The following MASP1 variants were observed in gnomAD, a reference collection of about 807,000 sequenced individuals.
MASP1 encodes the protein mannan-binding lectin serine protease 1.
A neutral mutation model predicts 77.1 loss-of-function variants in MASP1; 59 were observed. That is an observed-to-expected ratio of 0.77 (90% CI 0.62 to 0.95). MASP1 has a LOEUF of 0.95. Ranked by LOEUF, MASP1 falls within the 40% of genes least tolerant of loss-of-function variation. MASP1 has a pLI of 0.00. For synonymous variants in MASP1, 362 were observed against 354.5 expected, an observed-to-expected ratio of 1.02 and a Z score of -0.24; for missense variants, 885 against 912.9, an observed-to-expected ratio of 0.97 and a Z score of 0.39.
intron 13 of MASP1, among the ~76,000 whole-genome samples, chr3:187,224,853 A>T (rs1040257317): frequency 6.6e-6 from 1 of 152,194 alleles, no homozygotes; most frequent in Non-Finnish European, 1.5e-5. Context: ...AGTAGTGGCC[A>T]TTGTTTCCAG....
intron 3 of MASP1, among the ~76,000 whole-genome samples, chr3:187,261,339 T>C (rs567239789): frequency 6.6e-5 from 10 of 152,236 alleles, no homozygotes; most frequent in Non-Finnish European, 1.3e-4. Flanking sequence ...ACAGAGCTTG[T>C]GCTCTTAACT....
downstream of MASP1, among the ~76,000 whole-genome samples, chr3:187,230,798 C>G (rs541250882): frequency 7.2e-5 from 11 of 152,222 alleles, no homozygotes; most frequent in Non-Finnish European, 8.8e-5. Flanking sequence ...AAAAGGTATT[C>G]CATGAGTTAG....
chr3:187,247,603 T>G (rs1714204499), intron 8 of MASP1, among the ~76,000 whole-genome samples: 1 of 152,216 alleles, frequency 6.6e-6, no homozygotes, highest in Non-Finnish European at 1.5e-5. Context: ...TCTGAGAATT[T>G]GCAGAGTCAT....
chr3:187,236,306 A>T lies in MASP1; in HGVS notation c.1565T>A (p.Leu522Ter). The stretch of plus-strand genomic sequence containing the variant: ...CCCCGATTTGTCTCGCACATCATGC[A>T]AGCCCAGGTAGACGGTGACATGCTC... Reference protein sequence around the residue: ...SKEHVTVYLGLHDVRDKSGAV... With the variant: ...SKEHVTVYLG Residue 522 changes from leucine to a stop codon, truncating the protein, a stop_gained, in exon 11 of 11, where the codon TTG becomes TAG. Transcript: ENST00000296280. LOFTEE classifies it high-confidence loss of function. 6.2e-7 allele frequency: 1 copy of T among 1,614,250 alleles called. No individual in the cohort carries two copies. Among genetic ancestry groups the T allele is most frequent in the Non-Finnish European group, 8.5e-7 (1 of 1,180,038 alleles).
intron 14 of MASP1, among the ~76,000 whole-genome samples, chr3:187,221,787 A>G (rs1451886211): frequency 1.3e-5 from 2 of 152,178 alleles, no homozygotes; most frequent in Non-Finnish European, 2.9e-5. Flanking sequence ...TCTATCTTAC[A>G]TTGCTTGGAG....
At chr3:187,245,766 G>T (rs955979767) in intron 8 of MASP1, among the ~76,000 whole-genome samples, 1 of 152,102 alleles carries the variant, frequency 6.6e-6, no homozygotes, top group Non-Finnish European at 1.5e-5. Flanking sequence ...GGCCAGTTCC[G>T]CACTCTGGAA....
intron 5 of MASP1, among the ~76,000 whole-genome samples, chr3:187,254,442 T>A (rs1714896970): frequency 6.6e-6 from 1 of 151,776 alleles, no homozygotes; most frequent in African/African-American, 2.4e-5. Flanking sequence ...AAGCCAAGGG[T>A]GGGAAAGAGC....
chr3:187,247,007 A>T (rs1714138781), intron 8 of MASP1: 4 of 1,257,162 alleles, frequency 3.2e-6, no homozygotes, highest in African/African-American at 1.5e-5. Context: ...TGTATATTAA[A>T]TCTTTTGTCT....
rs187998226 is a variant in MASP1, at chr3:187,281,123, C to T, written c.237+4702G>A. On this transcript the variant is annotated intron_variant, in intron 2 of 10. Transcript: ENST00000296280. ...CCTTGATTCGTATGCCTCATCCGTA[C>T]ACTACAGGAATCTAAACATTGCAGC... Among the ~76,000 whole-genome samples the T allele has an allele frequency of 7.9e-5, 12 of 152,366 alleles. No individual in the cohort carries two copies. In the East Asian group the frequency reaches 2.3e-3, roughly 29 times the overall value.
chr3:187,262,396 C>T (rs930917571), intron 3 of MASP1, 147 bp downstream of exon 3: 28 of 784,220 alleles, frequency 3.6e-5, no homozygotes, highest in African/African-American at 1.2e-4. Flanking sequence ...TGGATAGATA[C>T]GTGATAGAGC....
At position 187,248,103 on chromosome 3, in the gene MASP1, A is replaced by G. The variant is rs542344900; in HGVS notation, c.1090+2148T>C. Among the ~76,000 whole-genome samples the G allele has an allele frequency of 1.5e-4, 23 of 152,332 alleles. No homozygotes were observed. The South Asian group carries it at 3.5e-3, about 23-fold the overall frequency. On this transcript the variant is annotated intron_variant, in intron 8 of 10. Coordinates refer to ENST00000296280, the MANE Select transcript of MASP1 (RefSeq NM_139125.4). ...ATAAATACCTACAGAGTGAGCAAAG[A>G]TGCTGGGTATGACTGAATGGGAATT...
chr3:187,234,316 TCAGGAGAGAGAG>T lies in MASP1; in HGVS notation c.*1356_*1367del. ...GGCTGCCTTGCTCTGATGGAGATTT[TCAGGAGAGAGAG>T]CTCCAGGGAGAAGGAGAACAATCAG... is the stretch of plus-strand genomic sequence containing the variant. On this transcript the variant is annotated 3_prime_UTR_variant, in exon 11 of 11. Coordinates refer to ENST00000296280, the MANE Select transcript of MASP1 (RefSeq NM_139125.4). The T allele has an allele frequency of 7.8e-7, 1 of 1,287,228 alleles. No homozygotes were observed. The highest frequency in any genetic ancestry group is 1.0e-6 in the Non-Finnish European group (1 of 988,696). 79.7% of individuals were successfully genotyped at this position (1,287,228 alleles called of 1,614,324 possible).
In MASP1 at chr3:187,234,383, G is replaced by T; in HGVS notation, c.*1301C>A. 1.6e-6 allele frequency: 2 copies of T among 1,287,250 alleles called. No individual in the cohort carries two copies. Among genetic ancestry groups the T allele is most frequent in the South Asian group, 1.2e-5 (1 of 80,936 alleles). The allele number at this position is 1,287,250 out of a possible 1,614,324, so 79.7% of individuals were successfully genotyped here. A position where few individuals can be genotyped will look rare whatever the true frequency, so the allele number is the denominator to read the frequency against. ...GTGAGGGCCAGAGAGGCTGCTAGCA[G>T]TCAGGGAAGCTCTGAGTGCTCCAGC... On this transcript the variant is annotated 3_prime_UTR_variant, in exon 11 of 11. Transcript: ENST00000296280.
intron 11 of MASP1, among the ~76,000 whole-genome samples, chr3:187,228,638 A>T (rs1196286923): frequency 6.6e-6 from 1 of 150,654 alleles, no homozygotes; most frequent in East Asian, 2.0e-4. Context: ...TGTCCTCTCC[A>T]TTGTTGTCTT....
chr3:187,273,033 T>G (rs1716650510), intron 2 of MASP1, among the ~76,000 whole-genome samples: 1 of 152,152 alleles, frequency 6.6e-6, no homozygotes, highest in African/African-American at 2.4e-5. Context: ...AGTACATCAA[T>G]GAGAAAAACA....
intron 9 of MASP1, 80 bp from the exon 10 acceptor site, chr3:187,241,635 AT>A: frequency 1.0e-6 from 1 of 955,808 alleles, no homozygotes; most frequent in Admixed American, 1.7e-5. Flanking sequence ...TGGGTATTTA[AT>A]TTCTCTAAAG....
Position 187,285,871 on chromosome 3 carries a change from T to C in MASP1, c.191A>G (p.His64Arg), listed in dbSNP as rs1021567118. The change falls in exon 2 of 11, where the codon CAC becomes CGC. Residue 64 changes from histidine to arginine, a missense_variant. Coordinates refer to ENST00000296280, the MANE Select transcript of MASP1 (RefSeq NM_139125.4). ...DGFRIKLYFM[H>R]FNLESSYLCE... ...AAGGTAGGAGGATTCCAAGTTGAAG[T>C]GCATGAAGTAAAGCTTGATCCGAAA... The C allele has an allele frequency of 1.9e-6, 3 of 1,614,048 alleles. No individual in the cohort carries two copies. The African/African-American group carries it at 4.0e-5, about 22-fold the overall frequency.
chr3:187,268,274 G>A (rs1479374534), intron 2 of MASP1, among the ~76,000 whole-genome samples: 1 of 152,136 alleles, frequency 6.6e-6, no homozygotes, highest in Non-Finnish European at 1.5e-5. Flanking sequence ...TTGAGCCCAG[G>A]AGTTCAACAC....
intron 1 of MASP1, among the ~76,000 whole-genome samples, chr3:187,287,877 T>G (rs960888334): frequency 6.6e-6 from 1 of 152,220 alleles, no homozygotes; most frequent in Non-Finnish European, 1.5e-5. Context: ...TTTGAGTTTT[T>G]GGGTATGTAA....
Sources: gnomAD v4.1 joint callset for allele counts (sites outside exome capture counted in the v4.1 genomes callset) on GRCh38, gnomAD v4.1.1 for gene constraint, MANE v1.5 for transcripts, NCBI Gene and HGNC (gene_info 2026-07-23, HGNC 2026-07-21) for gene names.